GSDMC: variants seen among roughly 807,000 people sequenced by gnomAD.
GSDMC encodes the protein gasdermin-C.
Under a neutral mutation model 58.0 loss-of-function variants are expected in GSDMC, and 59 were observed. The observed-to-expected ratio is 1.02, with a 90% CI of 0.82 to 1.26. GSDMC has a LOEUF of 1.26. Among genes scored for constraint, GSDMC ranks in the 50% most tolerant of loss-of-function variants. The probability of loss-of-function intolerance (pLI) is 0.00; values close to 1 mark genes in which losing one functional copy is unlikely to be tolerated. For missense variants in GSDMC, 659 were observed against 598.5 expected (o/e 1.10, Z -1.06); for synonymous variants, 241 against 220.2 (o/e 1.09, Z -0.83).
the GSDMC span, among the ~76,000 whole-genome samples, chr8:129,720,894 G>C: frequency 6.6e-6 from 1 of 152,190 alleles, no homozygotes; most frequent in African/African-American, 2.4e-5. Flanking sequence ...AATGGGATAA[G>C]TGCAGTGGGA....
chr8:129,709,173 C>CTT, the GSDMC span, among the ~76,000 whole-genome samples: 691 of 147,882 alleles, frequency 4.7e-3, 6 homozygotes, highest in African/African-American at 0.015. Flanking sequence ...ATTCCCCCTT[C>CTT]TTTTTTTTTT....
the GSDMC span, among the ~76,000 whole-genome samples, chr8:129,737,790 A>G: frequency 1.3e-5 from 2 of 152,366 alleles, no homozygotes; most frequent in East Asian, 3.9e-4. Context: ...AGCAATGGCA[A>G]CAAAAGCCAA....
intron 1 of GSDMC, among the ~76,000 whole-genome samples, chr8:129,783,873 G>T (rs970789585): frequency 6.6e-6 from 1 of 152,090 alleles, no homozygotes; most frequent in African/African-American, 2.4e-5. Context: ...AAAACAGCAT[G>T]GTACTGGCAT....
chr8:129,765,910 C>G (rs1352402045), intron 3 of GSDMC, 117 bp from the exon 4 acceptor site: 2 of 702,692 alleles, frequency 2.8e-6, no homozygotes, highest in African/African-American at 1.8e-5. Context: ...TGGACCCTGA[C>G]AGGTAAGTCA....
rs1019014480 is a variant in GSDMC, at chr8:129,773,575, A to C, written c.404+2527T>G. Among the ~76,000 whole-genome samples the C allele has an allele frequency of 1.9e-4, 29 of 152,016 alleles. 1 individual carries two copies. The highest frequency in any genetic ancestry group is 6.5e-5 in the Admixed American group (1 of 15,268). ...TGAGGCGGGTGGATCACCTGAGGTC[A>C]GGAGTTCGAGACCAGCCTGGCCAAT... On this transcript the variant is annotated intron_variant, in intron 3 of 13. Transcript: ENST00000276708.
the GSDMC span, among the ~76,000 whole-genome samples, chr8:129,716,471 T>A: frequency 3.3e-5 from 5 of 152,240 alleles, no homozygotes; most frequent in African/African-American, 4.8e-5. Context: ...TGATTTTGTA[T>A]CCTGATACTT....
At chr8:129,785,353 T>C (rs1417687568) in intron 1 of GSDMC, among the ~76,000 whole-genome samples, 2 of 146,976 alleles carry the variant, frequency 1.4e-5, no homozygotes, top group Non-Finnish European at 3.0e-5. Flanking sequence ...ATTGAAGTTA[T>C]GGAGATAGAG....
At chr8:129,747,275 G>C (rs1260226683), downstream of GSDMC, among the ~76,000 whole-genome samples, 1 of 150,646 alleles carries the variant, frequency 6.6e-6, no homozygotes, top group South Asian at 2.1e-4. Flanking sequence ...AAAAAAATTT[G>C]ATAAAGAATT....
the GSDMC span, among the ~76,000 whole-genome samples, chr8:129,733,266 T>C: frequency 8.3e-3 from 1,267 of 152,364 alleles, 11 homozygotes; most frequent in South Asian, 0.014. Flanking sequence ...CAGAAACTTC[T>C]GCAGACTTAA....
At chr8:129,770,497 A>C (rs2034012952) in intron 3 of GSDMC, among the ~76,000 whole-genome samples, 1 of 152,136 alleles carries the variant, frequency 6.6e-6, no homozygotes, top group Admixed American at 6.5e-5. Flanking sequence ...CTGTCTCAAA[A>C]ATGTCCCAAA....
rs2034558728 is a variant in GSDMC at position 129,786,487 on chromosome 8, T to C, written c.-481A>G. On this transcript the variant is annotated 5_prime_UTR_variant, in exon 1 of 14. Coordinates refer to ENST00000276708, the MANE Select transcript of GSDMC (RefSeq NM_031415.3). ...AATGGGTCCCTGACTCAATTTCCAA[T>C]GCAGTATCCTGGAAAAATAAGCACA... 2.6e-5 allele frequency: 4 copies of C among 152,150 alleles called. No individual in the cohort carries two copies. Among genetic ancestry groups the C allele is most frequent in the Non-Finnish European group, 5.9e-5 (4 of 68,036 alleles). The allele number at this position is 152,150 out of a possible 1,614,324, so 9.4% of individuals were successfully genotyped here.
At chr8:129,721,086 T>G in the GSDMC span, among the ~76,000 whole-genome samples, 2 of 152,184 alleles carry the variant, frequency 1.3e-5, no homozygotes, top group African/African-American at 4.8e-5. Flanking sequence ...TTTTGTTGGT[T>G]TCACTTTTTC....
the GSDMC span, chr8:129,730,345 C>T: frequency 1.5e-6 from 2 of 1,323,260 alleles, no homozygotes; most frequent in Non-Finnish European, 2.1e-6. Flanking sequence ...GATCTTGAAA[C>T]TGTTATGCAA....
At chr8:129,768,931 T>G (rs1404503269) in intron 3 of GSDMC, among the ~76,000 whole-genome samples, 2 of 152,074 alleles carry the variant, frequency 1.3e-5, no homozygotes, top group Non-Finnish European at 2.9e-5. Flanking sequence ...AATAAAAATT[T>G]AAGCAGGTTG....
At chr8:129,708,062 A>G in the GSDMC span, among the ~76,000 whole-genome samples, 1 of 152,224 alleles carries the variant, frequency 6.6e-6, no homozygotes, top group African/African-American at 2.4e-5. Flanking sequence ...GTGGACACCC[A>G]TACTGTGCAT....
chr8:129,760,365 A>T (rs1355910390), intron 6 of GSDMC, among the ~76,000 whole-genome samples, 180 bp downstream of exon 6: 1 of 152,188 alleles, frequency 6.6e-6, no homozygotes, highest in East Asian at 1.9e-4. Context: ...AAAAGAGTAT[A>T]ACTGGATTGC....
At chr8:129,730,138 T>A in the GSDMC span, 1 of 991,782 alleles carries the variant, frequency 1.0e-6, no homozygotes, top group Admixed American at 3.2e-5. Context: ...AAGAGAGATC[T>A]CACCCGAAAA....
In GSDMC at chr8:129,763,153, G is replaced by A. The variant is rs1363225850; in HGVS notation, c.571-422C>T. Among the ~76,000 whole-genome samples the A allele has an allele frequency of 2.0e-5, 3 of 152,076 alleles. No individual in the cohort carries two copies. In the East Asian group the frequency reaches 5.8e-4, roughly 29 times the overall value. On this transcript the variant is annotated intron_variant, in intron 4 of 13. Coordinates refer to ENST00000276708, the MANE Select transcript of GSDMC (RefSeq NM_031415.3). ...TTATCAGTTAATGTGATGTCCCTTT[G>A]CCTTGTCTGTCTCTTTACTCATTCT... is the stretch of plus-strand genomic sequence containing the variant.
chr8:129,771,566 C>G (rs979824105), intron 3 of GSDMC, among the ~76,000 whole-genome samples: 1 of 151,688 alleles, frequency 6.6e-6, no homozygotes, highest in African/African-American at 2.4e-5. Context: ...ACCAGTGGGT[C>G]AAAGAAGAAA....
Sources: allele counts gnomAD v4.1 joint callset (sites outside exome capture counted in the v4.1 genomes callset), GRCh38; gene constraint gnomAD v4.1.1; transcripts MANE v1.5; gene names NCBI Gene and HGNC (gene_info 2026-07-23, HGNC 2026-07-21).